MINDY1: variants seen among roughly 807,000 people sequenced by gnomAD.
The protein encoded by MINDY1 is MINDY lysine 48 deubiquitinase 1, also known as ubiquitin carboxyl-terminal hydrolase MINDY-1.
A neutral mutation model predicts 53.6 loss-of-function variants in MINDY1; 50 were observed. The ratio of observed to expected loss-of-function variants is 0.93; its 90% CI spans 0.74 to 1.18. MINDY1 has a LOEUF of 1.18. Ranked by LOEUF, MINDY1 falls within the 50% of genes most tolerant of loss-of-function variation. MINDY1 has a pLI of 0.00. For synonymous variants in MINDY1, 231 were observed against 234.7 expected (o/e 0.98, Z 0.14); for missense variants, 484 against 578.6 (o/e 0.84, Z 1.68).
chr1:151,000,585 TAGG>T lies in MINDY1; in HGVS notation c.604_606del (p.Pro202del), dbSNP rs754553413. The T allele has an allele frequency of 3.7e-6, 6 of 1,613,268 alleles. No homozygotes were observed. In the Middle Eastern group the frequency reaches 6.6e-4, roughly 178 times the overall value. ...TTGACATCCAGACCTGTGGCCAGTT[TAGG>T]CAGCACTGTCATTGCATCATCCACA... On this transcript the variant is annotated inframe_deletion, in exon 5 of 10. Transcript: ENST00000683666.
At position 151,002,838 on chromosome 1, in the gene MINDY1, A is replaced by G; in HGVS notation, c.-89-132T>C. ...CTGGCTATGGGCAGTATATGTGTAA[A>G]CAGAAGGGCCCCGTGCTGAGCTCTT... is the stretch of plus-strand genomic sequence containing the variant. On this transcript the variant is annotated intron_variant, in intron 1 of 9. Transcript: ENST00000683666. The surrounding 1 kb of genome is among the most constrained non-coding windows in gnomAD (Gnocchi z 4.1). 1 of 1,440,494 alleles carries G rather than the reference A, an allele frequency of 6.9e-7. No individual in the cohort carries two copies. The highest frequency in any genetic ancestry group is 9.1e-7 in the Non-Finnish European group (1 of 1,100,102). 89.2% of individuals were successfully genotyped at this position (1,440,494 alleles called of 1,614,324 possible). A position where few individuals can be genotyped will look rare whatever the true frequency, so the allele number is the denominator to read the frequency against.
At chr1:151,000,697 C>A in intron 4 of MINDY1, 82 bp from the exon 5 acceptor site, 1 of 1,458,206 alleles carries the variant, frequency 6.9e-7, no homozygotes, top group Non-Finnish European at 9.2e-7. Flanking sequence ...TAAAAATTAA[C>A]CTTGCTGCTC....
At chr1:150,997,454 A>G in intron 9 of MINDY1, 87 bp from the exon 10 acceptor site, 1 of 1,543,742 alleles carries the variant, frequency 6.5e-7, no homozygotes, top group Non-Finnish European at 8.8e-7. Context: ...GGATTGGGAC[A>G]GAGAGTAGGG....
At chr1:150,997,803 G>A (rs587595939) in intron 8 of MINDY1, 24 bp from the exon 9 acceptor site, 1 of 1,598,954 alleles carries the variant, frequency 6.3e-7, no homozygotes, top group Middle Eastern at 1.7e-4. Context: ...GAGTTGTGCA[G>A]TGGGCTGAGG....
At position 151,004,426 on chromosome 1, in the gene MINDY1, G is replaced by GGGA. The variant is rs1411331344; in HGVS notation, c.-89-1723_-89-1721dup. ...CCACTCTTTATCAGGGAGAGAAACA[G>GGGA]GGAGAAATTAAACTAGTTAGGGGCC... On this transcript the variant is annotated intron_variant, in intron 1 of 9. Coordinates refer to ENST00000683666, the MANE Select transcript of MINDY1 (RefSeq NM_001376665.1). 8.5e-3 allele frequency among the ~76,000 whole-genome samples: 1,294 copies of GGGA among 152,168 alleles called. 7 individuals carry two copies. The highest frequency in any genetic ancestry group is 0.012 in the Non-Finnish European group (817 of 68,006).
chr1:150,999,526 CG>C lies in MINDY1; in HGVS notation c.839-16del. 6.2e-7 allele frequency: 1 copy of C among 1,613,148 alleles called. No homozygotes were observed. The highest frequency in any genetic ancestry group is 8.5e-7 in the Non-Finnish European group (1 of 1,179,920). On this transcript the variant is annotated splice_polypyrimidine_tract_variant and intron_variant, in intron 6 of 9. Transcript: ENST00000683666. The surrounding 1 kb of genome is among the most constrained non-coding windows in gnomAD (Gnocchi z 4.4). Reference sequence around the variant, plus strand: ...TGCAATCAGGCCTGCCAGAAAGGGACGAGTCGGGGGAAACTTGGCTTAAATT... The same window carrying C: ...TGCAATCAGGCCTGCCAGAAAGGGACAGTCGGGGGAAACTTGGCTTAAATT...
In MINDY1 at chr1:150,999,390, A is replaced by C. The variant is rs1474172467; in HGVS notation, c.960T>G (p.Phe320Leu). The change falls in exon 7 of 10, where the codon TTT (phenylalanine) becomes TTG (leucine). Residue 320 changes from phenylalanine (F) to leucine (L), a missense_variant. Transcript: ENST00000683666. The surrounding 1 kb of genome is among the most constrained non-coding windows in gnomAD (Gnocchi z 4.4). ...ELSVFFRNNHFSTMTKHKSHL... is the reference protein window; with the variant it reads ...ELSVFFRNNHLSTMTKHKSHL... The stretch of plus-strand genomic sequence containing the variant: ...TTACCTTATGCTTAGTCATGGTGCT[A>C]AAGTGGTTGTTTCGGAAAAAGACGC... The C allele has an allele frequency of 1.2e-6, 2 of 1,613,982 alleles. No individual in the cohort carries two copies. The highest frequency in any genetic ancestry group is 1.1e-5 in the South Asian group (1 of 91,076).
intron 1 of MINDY1, among the ~76,000 whole-genome samples, chr1:151,003,955 T>C (rs1672849249): frequency 1.3e-5 from 2 of 152,186 alleles, no homozygotes; most frequent in Non-Finnish European, 1.5e-5. Context: ...AGAGTTTTGC[T>C]CTTGTTGCCT....
chr1:150,998,852 G>A (rs913145790), intron 7 of MINDY1, among the ~76,000 whole-genome samples: 10 of 152,156 alleles, frequency 6.6e-5, no homozygotes, highest in Non-Finnish European at 1.3e-4. Context: ...ATGGCTCTTA[G>A]GATAAATCCT....
At chr1:151,000,073 T>C in intron 5 of MINDY1, 109 bp from the exon 6 acceptor site, 1 of 721,850 alleles carries the variant, frequency 1.4e-6, no homozygotes, top group Non-Finnish European at 2.2e-6. Flanking sequence ...TGATGAATGG[T>C]TCCTAAACAC....
chr1:151,003,552 A>C (rs587774406), intron 1 of MINDY1, among the ~76,000 whole-genome samples: 1 of 152,116 alleles, frequency 6.6e-6, no homozygotes, highest in South Asian at 2.1e-4. Flanking sequence ...GCTTCTCTTT[A>C]AAAAAAATTA....
chr1:151,008,346 CA>C (rs1673448394), upstream of MINDY1: 2 of 1,307,662 alleles, frequency 1.5e-6, no homozygotes, highest in East Asian at 6.2e-5. Context: ...CACGTCGCCC[CA>C]CGCCACGCCC....
chr1:151,006,940 GGGA>G (rs919073202), upstream of MINDY1: 3 of 971,152 alleles, frequency 3.1e-6, no homozygotes, highest in African/African-American at 3.5e-5. Context: ...TTGCTAAGTA[GGGA>G]GGAGAAGGGC....
chr1:151,007,656 T>C (rs1338196222), upstream of MINDY1, among the ~76,000 whole-genome samples: 3 of 152,056 alleles, frequency 2.0e-5, no homozygotes, highest in Non-Finnish European at 2.9e-5. Context: ...AGGCTGACGG[T>C]AGGAAATAAA....
At chr1:151,000,049 G>A in intron 5 of MINDY1, 85 bp from the exon 6 acceptor site, 1 of 1,005,906 alleles carries the variant, frequency 9.9e-7, no homozygotes, top group African/African-American at 1.6e-5. Context: ...AAGCTCACAA[G>A]GACTACAACC....
Position 151,002,626 on chromosome 1 carries a change from G to C in MINDY1, c.-9C>G. 4 of 1,614,080 alleles carry C rather than the reference G, an allele frequency of 2.5e-6. No homozygotes were observed. The highest frequency in any genetic ancestry group is 3.4e-6 in the Non-Finnish European group (4 of 1,179,948). On this transcript the variant is annotated 5_prime_UTR_variant, in exon 2 of 10. Coordinates refer to ENST00000683666, the MANE Select transcript of MINDY1 (RefSeq NM_001376665.1). This position sits in a 1 kb window ranked among gnomAD's most constrained non-coding sequence, Gnocchi z 4.1. ...GGCTGATGGTATTCCATGGTCAAAA[G>C]GGACTTGGCTGAGGGGCACTGAAGG...
intron 4 of MINDY1, 89 bp from the exon 5 acceptor site, chr1:151,000,704 G>T: frequency 1.4e-6 from 2 of 1,418,534 alleles, no homozygotes; most frequent in Non-Finnish European, 9.5e-7. Flanking sequence ...TAACCTTGCT[G>T]CTCTTCTTCC....
In MINDY1 at chr1:151,001,788, G is replaced by A; in HGVS notation, c.454-6C>T. 2 of 1,591,428 alleles carry A rather than the reference G, an allele frequency of 1.3e-6. No homozygotes were observed. The highest frequency in any genetic ancestry group is 2.3e-5 in the South Asian group (2 of 87,426). ...TTCTGCGGGGGGAGCTTCACCTGGA[G>A]GCAGAAGGGGTGATCACGTGTGTGC... On this transcript the variant is annotated splice_region_variant and splice_polypyrimidine_tract_variant and intron_variant, in intron 2 of 9. Coordinates refer to ENST00000683666, the MANE Select transcript of MINDY1 (RefSeq NM_001376665.1).
Position 150,999,248 on chromosome 1 carries a change from A to G in MINDY1, c.981+121T>C. 1 of 1,397,040 alleles carries G rather than the reference A, an allele frequency of 7.2e-7. No individual in the cohort carries two copies. The highest frequency in any genetic ancestry group is 1.3e-5 in the South Asian group (1 of 77,414). 86.5% of individuals were successfully genotyped at this position (1,397,040 alleles called of 1,614,324 possible). Reference sequence around the variant, plus strand: ...AAATGAACCTTTGTTGTGGTAAACCACAGGGATTTGAGGGGTCACTTGCTA... The same window carrying G: ...AAATGAACCTTTGTTGTGGTAAACCGCAGGGATTTGAGGGGTCACTTGCTA... On this transcript the variant is annotated intron_variant, in intron 7 of 9. Transcript: ENST00000683666. The surrounding 1 kb of genome is among the most constrained non-coding windows in gnomAD (Gnocchi z 4.4).
Sources: gnomAD v4.1 joint callset for allele counts (sites outside exome capture counted in the v4.1 genomes callset) on GRCh38, gnomAD v4.1.1 for gene constraint, Gnocchi (gnomAD v3.1) non-coding constraint, MANE v1.5 for transcripts, NCBI Gene and HGNC (gene_info 2026-07-23, HGNC 2026-07-21) for gene names.